The following SMIM41 variants were observed in gnomAD, a reference collection of about 807,000 sequenced individuals.
SMIM41 encodes small integral membrane protein 41.
At chr12:52,099,217 G>A (rs1418288819) in intron 2 of SMIM41, among the ~76,000 whole-genome samples, 2 of 151,946 alleles carry the variant, frequency 1.3e-5, no homozygotes, top group East Asian at 3.9e-4. Flanking sequence ...TGCAACATGA[G>A]TAGTAATATC....
intron 2 of SMIM41, among the ~76,000 whole-genome samples, chr12:52,088,639 C>T (rs977316311): frequency 6.6e-6 from 1 of 152,180 alleles, no homozygotes; most frequent in Non-Finnish European, 1.5e-5. Flanking sequence ...GTTTCATGTC[C>T]CCGGCCGCCA....
intron 1 of SMIM41, among the ~76,000 whole-genome samples, chr12:52,083,500 G>T (rs1939847665): frequency 1.3e-5 from 2 of 152,158 alleles, no homozygotes; most frequent in South Asian, 4.1e-4. Context: ...CTCAGTGGTG[G>T]CTTTTCCCCT....
Position 52,107,754 on chromosome 12 carries a change from C to G in SMIM41, c.*571C>G, listed in dbSNP as rs1356043887. ...ATTCAGCCATCATGAACCTGTGTTT[C>G]TGTGGCTTCCTAGTTTTGCTGTCTT... On this transcript the variant is annotated 3_prime_UTR_variant, in exon 3 of 3. Coordinates refer to ENST00000546390, the MANE Select transcript of SMIM41 (RefSeq NM_001369216.1). 1 of 395,068 alleles carries G rather than the reference C, an allele frequency of 2.5e-6. No homozygotes were observed. Among genetic ancestry groups the G allele is most frequent in the Non-Finnish European group, 4.9e-6 (1 of 205,498 alleles). 24.5% of individuals were successfully genotyped at this position (395,068 alleles called of 1,614,324 possible). A position where few individuals can be genotyped will look rare whatever the true frequency, so the allele number is the denominator to read the frequency against.
At position 52,079,746 on chromosome 12, in the gene SMIM41, G is replaced by T. The variant is rs1039283648; in HGVS notation, c.-34G>T. On this transcript the variant is annotated 5_prime_UTR_variant, in exon 1 of 3. Coordinates refer to ENST00000546390, the MANE Select transcript of SMIM41 (RefSeq NM_001369216.1). ...CAGTCTGGGCTCCTGCACATCTGGC[G>T]ATCCCGCCACATCTGGGCAGCCGGC... 2 of 392,522 alleles carry T rather than the reference G, an allele frequency of 5.1e-6. No homozygotes were observed. Among genetic ancestry groups the T allele is most frequent in the Non-Finnish European group, 9.0e-6 (2 of 222,022 alleles). 24.3% of individuals were successfully genotyped at this position (392,522 alleles called of 1,614,324 possible).
At chr12:52,103,008 T>G (rs1315811280) in intron 2 of SMIM41, among the ~76,000 whole-genome samples, 1 of 152,186 alleles carries the variant, frequency 6.6e-6, no homozygotes, top group African/African-American at 2.4e-5. Flanking sequence ...ATTCATACAA[T>G]GGAAGACTAT....
intron 2 of SMIM41, among the ~76,000 whole-genome samples, chr12:52,101,011 G>A (rs12312732): frequency 0.15 from 23,272 of 151,828 alleles, 2,070 homozygotes; most frequent in African/African-American, 0.25. Context: ...CTAAAAAGGA[G>A]TAAAATCCTC....
intron 1 of SMIM41, among the ~76,000 whole-genome samples, chr12:52,080,766 A>C (rs1380296117): frequency 6.6e-6 from 1 of 152,106 alleles, no homozygotes; most frequent in Non-Finnish European, 1.5e-5. Context: ...CTCTTGAGAC[A>C]GGGAGGGGAG....
intron 2 of SMIM41, among the ~76,000 whole-genome samples, chr12:52,100,018 G>A (rs538701897): frequency 9.9e-5 from 15 of 152,034 alleles, no homozygotes; most frequent in African/African-American, 3.6e-4. Flanking sequence ...CCCAAACCTG[G>A]ATGTTAGCAA....
chr12:52,098,489 T>G (rs182186575), intron 2 of SMIM41, among the ~76,000 whole-genome samples: 312 of 135,442 alleles, frequency 2.3e-3, no homozygotes, highest in Non-Finnish European at 2.9e-3. Flanking sequence ...TCTCCCCTCA[T>G]GAATATTAAG....
chr12:52,094,150 A>C (rs991875716), intron 2 of SMIM41, among the ~76,000 whole-genome samples: 2 of 151,270 alleles, frequency 1.3e-5, no homozygotes, highest in African/African-American at 4.8e-5. Flanking sequence ...AAAAAAGAAA[A>C]AGAAAAAAAG....
At position 52,088,879 on chromosome 12, in the gene SMIM41, C is replaced by T. The variant is rs192254536; in HGVS notation, c.*195+4911C>T. Among the ~76,000 whole-genome samples the T allele has an allele frequency of 3.3e-5, 5 of 152,210 alleles. No individual in the cohort carries two copies. In the East Asian group the frequency reaches 7.8e-4, roughly 24 times the overall value. Reference sequence around the variant, plus strand: ...CTGCTCCTGTGTCTCTCACTACTGTCCCTCACGTGCTCCACCATCTCCAGT... The same window carrying T: ...CTGCTCCTGTGTCTCTCACTACTGTTCCTCACGTGCTCCACCATCTCCAGT... On this transcript the variant is annotated intron_variant, in intron 2 of 2. Transcript: ENST00000546390.
At chr12:52,085,552 C>A (rs1939880751) in intron 2 of SMIM41, among the ~76,000 whole-genome samples, 1 of 152,156 alleles carries the variant, frequency 6.6e-6, no homozygotes, top group Non-Finnish European at 1.5e-5. Context: ...CCATGTGAGG[C>A]AGGACATTGG....
intron 2 of SMIM41, among the ~76,000 whole-genome samples, chr12:52,102,490 G>C (rs1214407178): frequency 6.6e-6 from 1 of 152,190 alleles, no homozygotes; most frequent in Non-Finnish European, 1.5e-5. Context: ...TCTGAAAAGA[G>C]GCTGATATCC....
intron 2 of SMIM41, among the ~76,000 whole-genome samples, chr12:52,105,528 G>A (rs1351030285): frequency 6.6e-6 from 1 of 152,176 alleles, no homozygotes; most frequent in African/African-American, 2.4e-5. Flanking sequence ...TGAGGCAGGC[G>A]AATCACAAGT....
chr12:52,093,456 C>G (rs1469173702), intron 2 of SMIM41: 2 of 152,096 alleles, frequency 1.3e-5, no homozygotes, highest in African/African-American at 4.8e-5. Flanking sequence ...ATTTTGTTTG[C>G]TGATCTCTGT....
At chr12:52,107,298 A>G (rs1940360204) in intron 2 of SMIM41, 81 bp from the exon 3 acceptor site, 2 of 438,006 alleles carry the variant, frequency 4.6e-6, no homozygotes, top group African/African-American at 2.0e-5. Context: ...CTGATTTCTC[A>G]ACGCTCTTTT....
chr12:52,103,232 C>T (rs1435380516), intron 2 of SMIM41, among the ~76,000 whole-genome samples: 2 of 151,812 alleles, frequency 1.3e-5, no homozygotes, highest in Admixed American at 1.3e-4. Context: ...GAGGCTGAGG[C>T]ACAAGAATCG....
At chr12:52,086,842 C>T (rs1180424418) in intron 2 of SMIM41, among the ~76,000 whole-genome samples, 1 of 151,268 alleles carries the variant, frequency 6.6e-6, no homozygotes, top group African/African-American at 2.4e-5. Flanking sequence ...GGCTCATTAC[C>T]TCAGTCACTG....
At chr12:52,099,838 T>C (rs1182632723) in intron 2 of SMIM41, among the ~76,000 whole-genome samples, 5 of 152,122 alleles carry the variant, frequency 3.3e-5, no homozygotes. Flanking sequence ...TTCTGCGATA[T>C]TGGGAGTAAT....
Sources: gnomAD v4.1 joint callset for allele counts (sites outside exome capture counted in the v4.1 genomes callset) on GRCh38, gnomAD v4.1.1 for gene constraint, MANE v1.5 for transcripts, NCBI Gene and HGNC (gene_info 2026-07-23, HGNC 2026-07-21) for gene names.